Variants in EFCAB13 observed in about 807,000 individuals in gnomAD.
The protein encoded by EFCAB13 is EF-hand calcium-binding domain-containing protein 13.
A neutral mutation model predicts 110.2 loss-of-function variants in EFCAB13; 91 were observed. That is an observed-to-expected ratio of 0.83 (90% CI 0.70 to 0.98). The LOEUF (loss-of-function observed/expected upper bound fraction) is 0.98. Among genes scored for constraint, EFCAB13 ranks in the 50% least tolerant of loss-of-function variants. The pLI is 0.00. For missense variants in EFCAB13, 968 were observed against 1,119.4 expected (o/e 0.86, Z 1.93); for synonymous variants, 323 against 369.9 (o/e 0.87, Z 1.45).
intron 12 of EFCAB13, among the ~76,000 whole-genome samples, chr17:47,375,863 T>C (rs2065612475): frequency 6.6e-6 from 1 of 152,214 alleles, no homozygotes; most frequent in African/African-American, 2.4e-5. Flanking sequence ...ATATTCATAG[T>C]ACTTCAGGTA....
intron 14 of EFCAB13, among the ~76,000 whole-genome samples, chr17:47,389,496 G>C (rs1162606866): frequency 6.6e-6 from 1 of 151,702 alleles, no homozygotes. Flanking sequence ...GGTGAGAATA[G>C]AGTTCTTATC....
chr17:47,413,616 C>T (rs1904325877), intron 22 of EFCAB13, among the ~76,000 whole-genome samples: 1 of 152,092 alleles, frequency 6.6e-6, no homozygotes, highest in Non-Finnish European at 1.5e-5. Context: ...GATTGTTATT[C>T]ACCTAGATCA....
chr17:47,419,359 G>A (rs997932362), intron 23 of EFCAB13, among the ~76,000 whole-genome samples: 1 of 152,152 alleles, frequency 6.6e-6, no homozygotes, highest in Non-Finnish European at 1.5e-5. Context: ...ATTGGGGGAG[G>A]ATCGTTTGAG....
intron 22 of EFCAB13, among the ~76,000 whole-genome samples, chr17:47,414,106 G>T (rs1421613696): frequency 1.3e-5 from 2 of 152,066 alleles, no homozygotes; most frequent in Non-Finnish European, 2.9e-5. Context: ...ATCTCTAGGG[G>T]TTTGTAGTGG....
intron 24 of EFCAB13, chr17:47,430,845 C>T (rs1905101905): frequency 6.6e-6 from 1 of 151,798 alleles, no homozygotes; most frequent in African/African-American, 2.4e-5. Flanking sequence ...CTTGATTGAC[C>T]CTTTTAAAAA....
At chr17:47,411,608 G>A (rs1041815912) in intron 21 of EFCAB13, among the ~76,000 whole-genome samples, 22 of 152,122 alleles carry the variant, frequency 1.4e-4, no homozygotes, top group Admixed American at 1.2e-3. Context: ...ATATTTTATT[G>A]TTGATCTTAG....
chr17:47,417,710 C>G lies in EFCAB13; in HGVS notation c.2494+2791C>G, dbSNP rs574554060. On this transcript the variant is annotated intron_variant, in intron 23 of 24. Coordinates refer to ENST00000331493, the MANE Select transcript of EFCAB13 (RefSeq NM_152347.5). ...TTTTTTCTCGCCATTTCCACAATCTCTTTCATGATCTCCTTGTTTAGCTCT... is the reference window on the plus strand; with the variant it reads ...TTTTTTCTCGCCATTTCCACAATCTGTTTCATGATCTCCTTGTTTAGCTCT... Among the ~76,000 whole-genome samples, 236 of 152,286 alleles carry G rather than the reference C, an allele frequency of 1.5e-3. 1 individual carries two copies. Among genetic ancestry groups the G allele is most frequent in the African/African-American group, 5.4e-3 (224 of 41,554 alleles).
At chr17:47,387,540 C>G (rs1489625911) in intron 14 of EFCAB13, among the ~76,000 whole-genome samples, 2 of 152,086 alleles carry the variant, frequency 1.3e-5, no homozygotes, top group Non-Finnish European at 2.9e-5. Flanking sequence ...CTGGATCAGC[C>G]CCTTTATTAT....
intron 20 of EFCAB13, among the ~76,000 whole-genome samples, chr17:47,406,397 C>T (rs1450095275): frequency 6.6e-6 from 1 of 152,148 alleles, no homozygotes; most frequent in South Asian, 2.1e-4. Flanking sequence ...GCATGAACCA[C>T]GCCCGGCCAA....
rs150251915 is a variant in EFCAB13, at chr17:47,395,947, C to T, written c.1915C>T (p.Leu639=). The part of the protein sequence containing the change: ...LNSNLKKDEF[L]AALELVTVDE... ...TAGTAATTTAAAAAAGGATGAATTT[C>T]TAGCTGCATTGGAACTAGTGACAGT... Residue 639 remains leucine, a synonymous_variant, in exon 17 of 25, where the codon CTA becomes TTA. Transcript: ENST00000331493. 19 of 1,608,564 alleles carry T rather than the reference C, an allele frequency of 1.2e-5. No homozygotes were observed. In the African/African-American group the frequency reaches 1.3e-4, roughly 11 times the overall value.
At chr17:47,372,242 C>T (rs957280528) in intron 11 of EFCAB13, among the ~76,000 whole-genome samples, 2 of 151,648 alleles carry the variant, frequency 1.3e-5, no homozygotes, top group Non-Finnish European at 2.9e-5. Context: ...TGTGTATTTA[C>T]TGTAGGTTTT....
At chr17:47,336,283 C>T (rs2143237469) in intron 5 of EFCAB13, among the ~76,000 whole-genome samples, 1 of 145,816 alleles carries the variant, frequency 6.9e-6, no homozygotes, top group East Asian at 2.1e-4. Flanking sequence ...TGCGCCGTCA[C>T]ACTCGGCTAT....
chr17:47,377,601 A>G (rs771652406), intron 12 of EFCAB13, 165 bp from the exon 13 acceptor site: 3 of 466,984 alleles, frequency 6.4e-6, no homozygotes, highest in African/African-American at 2.0e-5. Flanking sequence ...AAGATTAAAT[A>G]TAATGTAATA....
chr17:47,334,457 T>G (rs2065337494), intron 4 of EFCAB13, among the ~76,000 whole-genome samples: 1 of 152,250 alleles, frequency 6.6e-6, no homozygotes, highest in South Asian at 2.1e-4. Context: ...AAGCTTTAAA[T>G]GAAGTTTAAC....
intron 17 of EFCAB13, among the ~76,000 whole-genome samples, chr17:47,399,062 A>T (rs1208517596): frequency 6.6e-6 from 1 of 152,094 alleles, no homozygotes; most frequent in East Asian, 1.9e-4. Context: ...AGCTGGGACT[A>T]CAGGTGCACA....
chr17:47,348,617 G>A (rs1045834589), intron 9 of EFCAB13, among the ~76,000 whole-genome samples: 1 of 151,506 alleles, frequency 6.6e-6, no homozygotes, highest in Non-Finnish European at 1.5e-5. Flanking sequence ...TGAATTGATC[G>A]CCTTTAAAAA....
chr17:47,434,321 A>T (rs116071339), intron 24 of EFCAB13, among the ~76,000 whole-genome samples: 1,732 of 152,268 alleles, frequency 0.011, 30 homozygotes, highest in African/African-American at 0.034. Flanking sequence ...CTACAAAAAA[A>T]AAATAAATAA....
chr17:47,392,566 T>C (rs1313436886), intron 15 of EFCAB13, among the ~76,000 whole-genome samples: 1 of 151,924 alleles, frequency 6.6e-6, no homozygotes, highest in African/African-American at 2.4e-5. Flanking sequence ...AATTTACCAA[T>C]AGGACAAGAT....
At chr17:47,389,502 T>C (rs1351074094) in intron 14 of EFCAB13, among the ~76,000 whole-genome samples, 1 of 152,108 alleles carries the variant, frequency 6.6e-6, no homozygotes, top group African/African-American at 2.4e-5. Flanking sequence ...AATAGAGTTC[T>C]TATCAGCCAC....
Sources: gnomAD v4.1 joint callset for allele counts (sites outside exome capture counted in the v4.1 genomes callset) on GRCh38, gnomAD v4.1.1 for gene constraint, MANE v1.5 for transcripts, NCBI Gene and HGNC (gene_info 2026-07-23, HGNC 2026-07-21) for gene names.